FLG: variants seen among roughly 807,000 people sequenced by gnomAD.
FLG encodes epidermal filaggrin.
FLG carries 6 observed loss-of-function variants against 3.8 expected under a neutral mutation model. The observed-to-expected ratio is 1.60, with a 90% CI of 0.87 to 3.15. The LOEUF (loss-of-function observed/expected upper bound fraction) is 3.15, where lower values mean the gene tolerates loss of function less well. FLG is among the 30% of genes most tolerant of loss of function. The probability of loss-of-function intolerance (pLI) is 0.00; values close to 1 mark genes in which losing one functional copy is unlikely to be tolerated. For missense variants in FLG, 7,595 were observed against 5,050.9 expected, an observed-to-expected ratio of 1.50 and a Z score of -15.27; for synonymous variants, 2,551 against 1,931.6, an observed-to-expected ratio of 1.32 and a Z score of -8.41.
At chr1:152,316,397 T>G (rs1329154890) in intron 1 of FLG, among the ~76,000 whole-genome samples, 1 of 151,822 alleles carries the variant, frequency 6.6e-6, no homozygotes, top group Admixed American at 6.6e-5. Flanking sequence ...AAAGGGGAAT[T>G]AAGAAACTTT....
Position 152,309,963 on chromosome 1 carries a change from G to A in FLG, c.4923C>T (p.Ala1641=), listed in dbSNP as rs370872995. Residue 1641 remains alanine, a synonymous_variant, in exon 3 of 3, where the codon GCC becomes GCT. Transcript: ENST00000368799. ...RNPRSHQEDR[A]SHGHSAESSR... ...AGCTCTCTGCAGAGTGCCCATGACTGGCTCTATCTTCTTGATGGGACCTGG... is the reference window on the plus strand; with the variant it reads ...AGCTCTCTGCAGAGTGCCCATGACTAGCTCTATCTTCTTGATGGGACCTGG... 8.9e-5 allele frequency: 144 copies of A among 1,613,934 alleles called. No individual in the cohort carries two copies. The highest frequency in any genetic ancestry group is 1.1e-4 in the Non-Finnish European group (135 of 1,180,012).
Position 152,310,998 on chromosome 1 carries a change from T to C in FLG, c.3888A>G (p.Gly1296=), listed in dbSNP as rs761967404. The change falls in exon 3 of 3, where the codon GGA becomes GGG. Residue 1296 remains glycine (G), a synonymous_variant. Transcript: ENST00000368799. The part of the protein sequence containing the change: ...LSGSASRNHH[G]SSREQSRDGS... The stretch of plus-strand genomic sequence containing the variant: ...CATCTCTTGACTGCTCCCGAGAAGA[T>C]CCATGATGGTTTCTGGAAGCAGACC... 4 of 1,613,828 alleles carry C rather than the reference T, an allele frequency of 2.5e-6. No individual in the cohort carries two copies. The highest frequency in any genetic ancestry group is 3.4e-6 in the Non-Finnish European group (4 of 1,179,942).
rs1652252831 is a variant in FLG at position 152,309,698 on chromosome 1, C to G, written c.5188G>C (p.Asp1730His). ...CCGTGGGCTGACACTGACTGTGTGT[C>G]TGACTCTTCTGAGTGTCCCTCGCTG... ...SDSEGHSEES[D>H]TQSVSAHGQA... Residue 1730 changes from aspartate (D) to histidine (H), a missense_variant, in exon 3 of 3, where the codon GAC becomes CAC. By Grantham distance (81) the Asp-to-His change is moderately conservative. Transcript: ENST00000368799. 1 of 1,614,062 alleles carries G rather than the reference C, an allele frequency of 6.2e-7. No homozygotes were observed. Among genetic ancestry groups the G allele is most frequent in the Non-Finnish European group, 8.5e-7 (1 of 1,180,018 alleles).
chr1:152,321,164 A>G (rs1164475256), intron 1 of FLG, among the ~76,000 whole-genome samples: 1 of 150,742 alleles, frequency 6.6e-6, no homozygotes, highest in Non-Finnish European at 1.5e-5. Context: ...TTTCATTTTC[A>G]ATCACTGTTA....
chr1:152,304,323 G>A lies in FLG; in HGVS notation c.10563C>T (p.Ser3521=), dbSNP rs138567818. The A allele has an allele frequency of 1.8e-4, 290 of 1,605,522 alleles. 7 individuals are homozygous for A. The highest frequency in any genetic ancestry group is 1.7e-3 in the Admixed American group (99 of 59,418). Residue 3521 remains serine, a synonymous_variant, in exon 3 of 3, where the codon TCC becomes TCT. Coordinates refer to ENST00000368799, the MANE Select transcript of FLG (RefSeq NM_002016.2). ...TQADSSRHSQ[S]GQGQSAGPRT... ...TGGGCCCCGCTGATTGTCCCTGGCC[G>A]GACTGTGAGTGTCTAGAGCTGTCCG...
chr1:152,309,315 C>A lies in FLG; in HGVS notation c.5571G>T (p.Gly1857=). ...TGCTGACACTTCTGGATCCTGACTG[C>A]CCACGGGAGACATCAGACCTTTCCT... The part of the protein sequence containing the change: ...TSQERSDVSR[G]QSGSRSVSRQ... The change falls in exon 3 of 3, where the codon GGG becomes GGT. Residue 1857 remains glycine (G), a synonymous_variant. Transcript: ENST00000368799. 1 of 1,613,800 alleles carries A rather than the reference C, an allele frequency of 6.2e-7. No individual in the cohort carries two copies. Among genetic ancestry groups the A allele is most frequent in the South Asian group, 1.1e-5 (1 of 91,048 alleles).
At position 152,308,593 on chromosome 1, in the gene FLG, T is replaced by A. The variant is rs749518907; in HGVS notation, c.6293A>T (p.Glu2098Val). Residue 2098 changes from glutamate to valine, a missense_variant, in exon 3 of 3, where the codon GAA becomes GTA. Transcript: ENST00000368799. ...CTGTCCATGGGTGGACTCAGACTGT[T>A]CATGAGTGCTCACCTGGTAGAGGAA... ...GSFLYQVSTH[E>V]QSESTHGQSA... is the part of the protein sequence containing the mutation. 2.5e-6 allele frequency: 4 copies of A among 1,614,116 alleles called. No homozygotes were observed. In the South Asian group the frequency reaches 3.3e-5, roughly 13 times the overall value.
Position 152,304,332 on chromosome 1 carries a change from GT to G in FLG, c.10553del (p.His3518ProfsTer197), listed in dbSNP as rs766489091. The stretch of plus-strand genomic sequence containing the variant: ...CTGATTGTCCCTGGCCGGACTGTGA[GT>G]GTCTAGAGCTGTCCGCCTGAGTGGA... The part of the protein sequence containing the change: ...EASTQADSSR[H>X]SQSGQGQSAG... On this transcript the variant is annotated frameshift_variant, in exon 3 of 3. Transcript: ENST00000368799. LOFTEE classifies it low-confidence loss of function (END_TRUNC). The G allele has an allele frequency of 5.6e-6, 9 of 1,611,732 alleles. No individual in the cohort carries two copies. The highest frequency in any genetic ancestry group is 7.6e-6 in the Non-Finnish European group (9 of 1,178,928).
rs1652563384 is a variant in FLG, at chr1:152,312,898, T to A, written c.1988A>T (p.His663Leu). Residue 663 changes from histidine to leucine, a missense_variant, in exon 3 of 3, where the codon CAT becomes CTT. Transcript: ENST00000368799. ...CCCATGACCAGCTCTGTCTTCGTGA[T>A]GGGACCTGGGGTGTCTGGAGCCATC... The part of the protein sequence containing the change: ...SRDGSRHPRS[H>L]HEDRAGHGHS... The A allele has an allele frequency of 6.2e-7, 1 of 1,613,936 alleles. No individual in the cohort carries two copies. Among genetic ancestry groups the A allele is most frequent in the Admixed American group, 1.7e-5 (1 of 60,008 alleles).
At position 152,308,273 on chromosome 1, in the gene FLG, G is replaced by A. The variant is rs1224302367; in HGVS notation, c.6613C>T (p.His2205Tyr). 2.5e-6 allele frequency: 4 copies of A among 1,613,222 alleles called. No individual in the cohort carries two copies. Among genetic ancestry groups the A allele is most frequent in the South Asian group, 2.2e-5 (2 of 91,042 alleles). Residue 2205 changes from histidine (H) to tyrosine (Y), a missense_variant, in exon 3 of 3, where the codon CAC becomes TAC. Transcript: ENST00000368799. The stretch of plus-strand genomic sequence containing the variant: ...GCTTCATGATGATGCGACCCTGAGT[G>A]CCTAGAGCCATCTCCTGATTGTTCC... ...DKEQSGDGSR[H>Y]SGSHHHEASS...
intron 1 of FLG, among the ~76,000 whole-genome samples, chr1:152,320,679 A>G (rs1171222364): frequency 6.6e-6 from 1 of 151,168 alleles, no homozygotes; most frequent in African/African-American, 2.4e-5. Flanking sequence ...GTAAGAATGT[A>G]GAATATTTCT....
rs773571991 is a variant in FLG at position 152,312,905 on chromosome 1, T to C, written c.1981A>G (p.Arg661Gly). Residue 661 changes from arginine (R) to glycine (G), a missense_variant, in exon 3 of 3, where the codon AGG (arginine) becomes GGG (glycine). By Grantham distance (125) the Arg-to-Gly change is moderately radical. Coordinates refer to ENST00000368799, the MANE Select transcript of FLG (RefSeq NM_002016.2). Reference protein sequence around the residue: ...EQSRDGSRHPRSHHEDRAGHG... With the variant: ...EQSRDGSRHPGSHHEDRAGHG... ...CCAGCTCTGTCTTCGTGATGGGACC[T>C]GGGGTGTCTGGAGCCATCTCTTGAC... 7 of 1,614,038 alleles carry C rather than the reference T, an allele frequency of 4.3e-6. No individual in the cohort carries two copies. The highest frequency in any genetic ancestry group is 2.7e-5 in the African/African-American group (2 of 74,944).
At position 152,310,172 on chromosome 1, in the gene FLG, T is replaced by C. The variant is rs762170220; in HGVS notation, c.4714A>G (p.Arg1572Gly). Residue 1572 changes from arginine (R) to glycine (G), a missense_variant, in exon 3 of 3, where the codon AGA becomes GGA. Physicochemically the swap from Arg to Gly is moderately radical, Grantham distance 125. Transcript: ENST00000368799. ...HEPSTRAGSS[R>G]HSQVGQGESA... ...TCTCCCTGGCCCACCTGTGAGTGTC[T>C]AGAGCTGCCGGCCCGAGTGGAAGGT... 4 of 1,613,820 alleles carry C rather than the reference T, an allele frequency of 2.5e-6. No individual in the cohort carries two copies. Among genetic ancestry groups the C allele is most frequent in the African/African-American group, 2.7e-5 (2 of 74,922 alleles).
chr1:152,303,489 G>C lies in FLG; in HGVS notation c.11397C>G (p.Ala3799=). The C allele has an allele frequency of 6.2e-7, 1 of 1,614,020 alleles. No homozygotes were observed. The highest frequency in any genetic ancestry group is 1.1e-5 in the South Asian group (1 of 91,062). The change falls in exon 3 of 3, where the codon GCC becomes GCG. Residue 3799 remains alanine (A), a synonymous_variant. Transcript: ENST00000368799. ...SHTTSQGRSD[A]SHGQSGSRSA... ...TTCTGGATCCTGACTGCCCATGGGA[G>C]GCATCAGACCTTCCCTGGGATGTGG...
At position 152,313,404 on chromosome 1, in the gene FLG, T is replaced by C; in HGVS notation, c.1482A>G (p.Gly494=). 6.2e-7 allele frequency: 1 copy of C among 1,613,818 alleles called. No individual in the cohort carries two copies. The highest frequency in any genetic ancestry group is 8.5e-7 in the Non-Finnish European group (1 of 1,179,942). Residue 494 remains glycine, a synonymous_variant, in exon 3 of 3, where the codon GGA becomes GGG. Coordinates refer to ENST00000368799, the MANE Select transcript of FLG (RefSeq NM_002016.2). ...TGTCTCGTGCCTGCTCGTGGTGCGA[T>C]CCTTGTCTTCCTCCAGTGCTGGTCC... ...RTGTSTGGRQ[G]SHHEQARDSS...
chr1:152,305,400 G>A lies in FLG; in HGVS notation c.9486C>T (p.Ser3162=), dbSNP rs768001421. The part of the protein sequence containing the change: ...SRGQSGSRSA[S]RTTRNEEQSG... Reference sequence around the variant, plus strand: ...ATTGTTCCTCATTACGTGTTGTTCTGCTTGCACTTCTGGATCCTGACTGCC... The same window carrying A: ...ATTGTTCCTCATTACGTGTTGTTCTACTTGCACTTCTGGATCCTGACTGCC... The change falls in exon 3 of 3, where the codon AGC becomes AGT. Residue 3162 remains serine (S), a synonymous_variant. Coordinates refer to ENST00000368799, the MANE Select transcript of FLG (RefSeq NM_002016.2). The A allele has an allele frequency of 6.2e-7, 1 of 1,604,558 alleles. No individual in the cohort carries two copies. Among genetic ancestry groups the A allele is most frequent in the Non-Finnish European group, 8.5e-7 (1 of 1,178,490 alleles).
rs1202830430 is a variant in FLG at position 152,304,196 on chromosome 1, G to A, written c.10690C>T (p.Arg3564Cys). Residue 3564 changes from arginine (R) to cysteine (C), a missense_variant, in exon 3 of 3, where the codon CGT becomes TGT. Coordinates refer to ENST00000368799, the MANE Select transcript of FLG (RefSeq NM_002016.2). ...RWSGSASRNH[R>C]GSAQEQSRDG... is the part of the protein sequence containing the mutation. ...CTTGACTGCTCCTGAGCAGATCCAC[G>A]ATGGTTTCTGGAAGCAGACCCAGAC... 10 of 1,611,602 alleles carry A rather than the reference G, an allele frequency of 6.2e-6. No individual in the cohort carries two copies. Among genetic ancestry groups the A allele is most frequent in the South Asian group, 5.5e-5 (5 of 90,734 alleles).
Position 152,312,164 on chromosome 1 carries a change from G to A in FLG, c.2722C>T (p.His908Tyr), listed in dbSNP as rs1326364962. 1 of 1,614,062 alleles carries A rather than the reference G, an allele frequency of 6.2e-7. No individual in the cohort carries two copies. The highest frequency in any genetic ancestry group is 1.1e-5 in the South Asian group (1 of 91,058). ...GCTTCATGGTGACGTGACCCTGAGT[G>A]CCTGGAGCCGTCTCTTGATTGTTCC... ...NEEQSRDGSR[H>Y]SGSRHHEASS... Residue 908 changes from histidine (H) to tyrosine (Y), a missense_variant, in exon 3 of 3, where the codon CAC becomes TAC. Coordinates refer to ENST00000368799, the MANE Select transcript of FLG (RefSeq NM_002016.2).
At chr1:152,315,053 T>C (rs1371157604) in intron 2 of FLG, 1 of 403,810 alleles carries the variant, frequency 2.5e-6, no homozygotes, top group African/African-American at 2.0e-5. Context: ...TGTTGATGTT[T>C]GGGAGAATAT....
Sources: allele counts gnomAD v4.1 joint callset (sites outside exome capture counted in the v4.1 genomes callset), GRCh38; gene constraint gnomAD v4.1.1; transcripts MANE v1.5; gene names NCBI Gene and HGNC (gene_info 2026-07-23, HGNC 2026-07-21).